LRRC4C: variants seen among roughly 807,000 people sequenced by gnomAD.
The protein encoded by LRRC4C is leucine rich repeat containing 4C.
A neutral mutation model predicts 33.6 loss-of-function variants in LRRC4C; 5 were observed. That is an observed-to-expected ratio of 0.15 (90% CI 0.08 to 0.31). The LOEUF (loss-of-function observed/expected upper bound fraction) is 0.31, where lower values mean the gene tolerates loss of function less well. LRRC4C is among the 10% of genes least tolerant of loss of function. The pLI, the probability that LRRC4C is intolerant of heterozygous loss-of-function variation, is 1.00. For missense variants in LRRC4C, 560 were observed against 796.7 expected (o/e 0.70, Z 3.58); for synonymous variants, 329 against 302.0 (o/e 1.09, Z -0.93).
chr11:41,043,617 T>C (rs1857580672), intron 1 of LRRC4C, among the ~76,000 whole-genome samples: 2 of 145,618 alleles, frequency 1.4e-5, no homozygotes, highest in Non-Finnish European at 3.0e-5. Context: ...ACTCTTACTC[T>C]TAAACATGAA....
intron 1 of LRRC4C, among the ~76,000 whole-genome samples, chr11:41,057,880 C>A (rs1858749500): frequency 6.6e-6 from 1 of 152,140 alleles, no homozygotes; most frequent in Non-Finnish European, 1.5e-5. Flanking sequence ...CCGAGAGGAG[C>A]TACCCTCTCT....
intron 3 of LRRC4C, among the ~76,000 whole-genome samples, chr11:40,491,777 T>C (rs1403721834): frequency 6.6e-6 from 1 of 152,164 alleles, no homozygotes. Context: ...AAAAAAACTT[T>C]ACATTTTTGT....
intron 1 of LRRC4C, among the ~76,000 whole-genome samples, chr11:41,445,908 T>G (rs1009115031): frequency 1.2e-5 from 1 of 80,558 alleles, no homozygotes; most frequent in Non-Finnish European, 3.0e-5. Context: ...TATGTAAAAC[T>G]TACTGCCATA....
chr11:40,116,736 A>T (rs554047951), intron 6 of LRRC4C, among the ~76,000 whole-genome samples: 59 of 152,358 alleles, frequency 3.9e-4, no homozygotes, highest in African/African-American at 1.3e-3. Context: ...CCTTTGCAAA[A>T]GTAGTAATAG....
intron 2 of LRRC4C, among the ~76,000 whole-genome samples, chr11:40,906,923 T>C (rs1202865619): frequency 6.6e-6 from 1 of 152,176 alleles, no homozygotes; most frequent in Non-Finnish European, 1.5e-5. Context: ...AGCTTATAAT[T>C]ATACAAGGCA....
chr11:41,241,970 G>A (rs1458594696), intron 1 of LRRC4C, among the ~76,000 whole-genome samples: 2 of 152,088 alleles, frequency 1.3e-5, no homozygotes, highest in African/African-American at 2.4e-5. Flanking sequence ...ATTAAAATAT[G>A]TCTCAACATC....
intron 1 of LRRC4C, among the ~76,000 whole-genome samples, chr11:41,033,349 G>A (rs1469145719): frequency 6.6e-6 from 1 of 151,940 alleles, no homozygotes; most frequent in Non-Finnish European, 1.5e-5. Context: ...AGCAAAACTA[G>A]TCAATATAAA....
At chr11:41,003,509 G>A (rs1854524976) in intron 1 of LRRC4C, among the ~76,000 whole-genome samples, 1 of 150,564 alleles carries the variant, frequency 6.6e-6, no homozygotes, top group Admixed American at 6.6e-5. Flanking sequence ...GGTTATTTGA[G>A]ATCCATTTGA....
intron 1 of LRRC4C, among the ~76,000 whole-genome samples, chr11:41,357,089 A>G (rs1952189273): frequency 6.6e-6 from 1 of 152,090 alleles, no homozygotes; most frequent in South Asian, 2.1e-4. Flanking sequence ...CCCTACACAC[A>G]CTTTGGGACT....
At chr11:40,901,022 T>C (rs1956173342) in intron 2 of LRRC4C, among the ~76,000 whole-genome samples, 1 of 152,142 alleles carries the variant, frequency 6.6e-6, no homozygotes, top group African/African-American at 2.4e-5. Flanking sequence ...TCTGGGCCTG[T>C]TGCTTTGTAT....
chr11:40,712,269 G>A (rs1242611267), intron 2 of LRRC4C, among the ~76,000 whole-genome samples: 2 of 152,010 alleles, frequency 1.3e-5, no homozygotes, highest in African/African-American at 4.8e-5. Flanking sequence ...TGAATATATT[G>A]TATTTTCATT....
chr11:40,356,370 T>C (rs1947670915), intron 3 of LRRC4C, among the ~76,000 whole-genome samples: 1 of 152,232 alleles, frequency 6.6e-6, no homozygotes, highest in African/African-American at 2.4e-5. Context: ...GGACATAGTA[T>C]GCATTCTATT....
At chr11:41,126,719 C>A (rs563563467) in intron 1 of LRRC4C, among the ~76,000 whole-genome samples, 24 of 151,956 alleles carry the variant, frequency 1.6e-4, no homozygotes, top group African/African-American at 5.8e-4. Flanking sequence ...AGGCTTGATT[C>A]TTTGAAATGT....
chr11:41,450,274 G>A (rs1955976441), intron 1 of LRRC4C, among the ~76,000 whole-genome samples: 1 of 152,114 alleles, frequency 6.6e-6, no homozygotes, highest in South Asian at 2.1e-4. Context: ...CTAAATAGGT[G>A]AGTCTCTGTG....
At chr11:40,526,807 G>A (rs1956069167) in intron 3 of LRRC4C, among the ~76,000 whole-genome samples, 1 of 152,094 alleles carries the variant, frequency 6.6e-6, no homozygotes, top group Non-Finnish European at 1.5e-5. Context: ...ACAGTAAAGA[G>A]CATTTTAAAA....
chr11:40,780,559 C>G (rs1205706442), intron 2 of LRRC4C, among the ~76,000 whole-genome samples: 3 of 151,960 alleles, frequency 2.0e-5, no homozygotes, highest in African/African-American at 7.2e-5. Flanking sequence ...GATAATAGAG[C>G]TACATTAATG....
At chr11:41,173,427 T>C (rs1335497498) in intron 1 of LRRC4C, among the ~76,000 whole-genome samples, 1 of 152,186 alleles carries the variant, frequency 6.6e-6, no homozygotes, top group Non-Finnish European at 1.5e-5. Context: ...TTATTTACCC[T>C]TTGATATTCA....
intron 3 of LRRC4C, among the ~76,000 whole-genome samples, chr11:40,606,198 G>A (rs546994569): frequency 6.6e-6 from 1 of 152,274 alleles, no homozygotes; most frequent in South Asian, 2.1e-4. Flanking sequence ...AATTCTAGAA[G>A]CCTAGGAGTT....
At chr11:41,123,124 G>A (rs1469410972) in intron 1 of LRRC4C, 1 of 152,094 alleles carries the variant, frequency 6.6e-6, no homozygotes, top group East Asian at 1.9e-4. Context: ...TCCTATGCAA[G>A]TGTGGTGAGA....
Sources: allele counts gnomAD v4.1 joint callset (sites outside exome capture counted in the v4.1 genomes callset), GRCh38; gene constraint gnomAD v4.1.1; transcripts MANE v1.5; gene names NCBI Gene and HGNC (gene_info 2026-07-23, HGNC 2026-07-21).